The following TP53INP2 variants were observed in gnomAD, a reference collection of about 807,000 sequenced individuals.
The protein encoded by TP53INP2 is tumor protein p53-inducible nuclear protein 2.
TP53INP2 carries 12 observed loss-of-function variants against 17.1 expected under a neutral mutation model. That is an observed-to-expected ratio of 0.70 (90% confidence interval 0.45 to 1.14). TP53INP2 has a LOEUF of 1.14. Ranked by LOEUF, TP53INP2 falls within the 50% of genes most tolerant of loss-of-function variation. The pLI is 0.00. For missense variants in TP53INP2, 342 were observed against 330.9 expected (o/e 1.03, Z -0.26); for synonymous variants, 145 against 147.3 (o/e 0.98, Z 0.12).
Position 34,709,013 on chromosome 20 carries a change from G to T in TP53INP2, c.124+150G>T. On this transcript the variant is annotated intron_variant, in intron 3 of 4. Coordinates refer to ENST00000374810, the MANE Select transcript of TP53INP2 (RefSeq NM_021202.3). This position sits in a 1 kb window ranked among gnomAD's most constrained non-coding sequence, Gnocchi z 5.4. ...GGGGCCCCTTCCCATGAAAGCCGGG[G>T]CTCTCTCCTGGCGGCCCAGGAGAGG... is the stretch of plus-strand genomic sequence containing the variant. 2 of 1,408,470 alleles carry T rather than the reference G, an allele frequency of 1.4e-6. No individual in the cohort carries two copies. The highest frequency in any genetic ancestry group is 1.9e-6 in the Non-Finnish European group (2 of 1,067,296). The allele number at this position is 1,408,470 out of a possible 1,614,324, so 87.2% of individuals were successfully genotyped here.
In TP53INP2 at chr20:34,709,720, CGGAGGGGCGGGGCTTGAGAG is replaced by C. The variant is rs1159664468; in HGVS notation, c.413+206_413+225del. Reference sequence around the variant, plus strand: ...GCGAGGCTAGAAGCGGGCCTGAGGACGGAGGGGCGGGGCTTGAGAGGGAGGGGCGTGGCCAAGAGGCTGGG... The same window carrying C: ...GCGAGGCTAGAAGCGGGCCTGAGGACGGAGGGGCGTGGCCAAGAGGCTGGG... On this transcript the variant is annotated intron_variant, in intron 4 of 4. Coordinates refer to ENST00000374810, the MANE Select transcript of TP53INP2 (RefSeq NM_021202.3). This position sits in a 1 kb window ranked among gnomAD's most constrained non-coding sequence, Gnocchi z 5.4. 6.6e-6 allele frequency among the ~76,000 whole-genome samples: 1 copy of C among 151,452 alleles called. No individual in the cohort carries two copies. The highest frequency in any genetic ancestry group is 1.5e-5 in the Non-Finnish European group (1 of 67,860).
chr20:34,710,344 C>T lies in TP53INP2; in HGVS notation c.*37C>T, dbSNP rs774371779. The T allele has an allele frequency of 7.6e-7, 1 of 1,310,102 alleles. No homozygotes were observed. Among genetic ancestry groups the T allele is most frequent in the Non-Finnish European group, 9.8e-7 (1 of 1,020,902 alleles). 81.2% of individuals were successfully genotyped at this position (1,310,102 alleles called of 1,614,324 possible). ...CCGCGCCACGAACCCCTTGCCGATCCCGATCCCTGTCGGGCTCCTCCGACT... is the reference window on the plus strand; with the variant it reads ...CCGCGCCACGAACCCCTTGCCGATCTCGATCCCTGTCGGGCTCCTCCGACT... On this transcript the variant is annotated 3_prime_UTR_variant, in exon 5 of 5. Coordinates refer to ENST00000374810, the MANE Select transcript of TP53INP2 (RefSeq NM_021202.3). This position sits in a 1 kb window ranked among gnomAD's most constrained non-coding sequence, Gnocchi z 4.9.
chr20:34,708,930 G>C, intron 3 of TP53INP2, 67 bp downstream of exon 3: 16 of 1,573,570 alleles, frequency 1.0e-5, no homozygotes, highest in Non-Finnish European at 1.3e-5. Flanking sequence ...AGCAGCGGAG[G>C]GGAAGGGCGC....
intron 2 of TP53INP2, among the ~76,000 whole-genome samples, chr20:34,707,915 C>T (rs906359627): frequency 6.6e-5 from 10 of 152,304 alleles, no homozygotes; most frequent in Admixed American, 5.9e-4. Context: ...GCACCTGCCA[C>T]CACGCCCAGC....
In TP53INP2 at chr20:34,709,175, G is replaced by A; in HGVS notation, c.125-61G>A. The A allele has an allele frequency of 6.7e-7, 1 of 1,491,884 alleles. No homozygotes were observed. Among genetic ancestry groups the A allele is most frequent in the Non-Finnish European group, 8.9e-7 (1 of 1,120,638 alleles). The allele number at this position is 1,491,884 out of a possible 1,614,324, so 92.4% of individuals were successfully genotyped here. Reference sequence around the variant, plus strand: ...CCCCTTGTCCGGTGTGTGTGTGTGTGTGTGTGTGTGCCTCCTCGCTGCTCC... The same window carrying A: ...CCCCTTGTCCGGTGTGTGTGTGTGTATGTGTGTGTGCCTCCTCGCTGCTCC... On this transcript the variant is annotated intron_variant, in intron 3 of 4. Transcript: ENST00000374810. The surrounding 1 kb of genome is among the most constrained non-coding windows in gnomAD (Gnocchi z 5.4).
chr20:34,709,363 T>TGGACTCGGTCCC lies in TP53INP2; in HGVS notation c.254_265dup (p.Gly85_Pro88dup). 1 of 1,613,646 alleles carries TGGACTCGGTCCC rather than the reference T, an allele frequency of 6.2e-7. No homozygotes were observed. Among genetic ancestry groups the TGGACTCGGTCCC allele is most frequent in the African/African-American group, 1.3e-5 (1 of 75,014 alleles). ...CCGCCTGTTTTACGGCAGAGGGGCC[T>TGGACTCGGTCCC]GGACTCGGTCCCGCCCGCCTCCAGA... On this transcript the variant is annotated inframe_insertion, in exon 4 of 5. Transcript: ENST00000374810. The surrounding 1 kb of genome is among the most constrained non-coding windows in gnomAD (Gnocchi z 5.4).
chr20:34,710,468 C>T lies in TP53INP2; in HGVS notation c.*161C>T, dbSNP rs1204999165. 1 of 792,354 alleles carries T rather than the reference C, an allele frequency of 1.3e-6. No individual in the cohort carries two copies. The allele number at this position is 792,354 out of a possible 1,614,324, so 49.1% of individuals were successfully genotyped here. On this transcript the variant is annotated 3_prime_UTR_variant, in exon 5 of 5. Transcript: ENST00000374810. This position sits in a 1 kb window ranked among gnomAD's most constrained non-coding sequence, Gnocchi z 4.9. ...CCTCAATTTCCCCATCTCTGATCCT[C>T]TAATCTGCCTCTGAACCCATTCACC...
Position 34,709,553 on chromosome 20 carries a change from G to A in TP53INP2, c.413+29G>A, listed in dbSNP as rs760978815. 8 of 1,587,230 alleles carry A rather than the reference G, an allele frequency of 5.0e-6. No homozygotes were observed. The South Asian group carries it at 8.9e-5, about 18-fold the overall frequency. The stretch of plus-strand genomic sequence containing the variant: ...AGCGGGCCGGGGGCGGAGCCTGGAG[G>A]CCCAGGGAGACGGATCTTGGAGGCC... On this transcript the variant is annotated intron_variant, in intron 4 of 4. Transcript: ENST00000374810. This position sits in a 1 kb window ranked among gnomAD's most constrained non-coding sequence, Gnocchi z 5.4.
rs150414786 is a variant in TP53INP2 at position 34,706,274 on chromosome 20, G to A, written c.-50+800G>A. 2.1e-3 allele frequency among the ~76,000 whole-genome samples: 320 copies of A among 152,216 alleles called. 1 individual carries two copies. The highest frequency in any genetic ancestry group is 3.8e-3 in the Non-Finnish European group (261 of 67,992). ...TCTGGACTGGATGCACAGTAACGTG[G>A]GACTAGGTCTGCCCTGCCACTATCT... is the stretch of plus-strand genomic sequence containing the variant. On this transcript the variant is annotated intron_variant, in intron 2 of 4. Coordinates refer to ENST00000374810, the MANE Select transcript of TP53INP2 (RefSeq NM_021202.3).
rs1380947325 is a variant in TP53INP2, at chr20:34,711,660, G to T, written c.*1353G>T. Reference sequence around the variant, plus strand: ...CCCCTTCTCCTCCAGTAAATACCTGGAAGAGGGAACCTGAATCCCTGGGGG... The same window carrying T: ...CCCCTTCTCCTCCAGTAAATACCTGTAAGAGGGAACCTGAATCCCTGGGGG... On this transcript the variant is annotated 3_prime_UTR_variant, in exon 5 of 5. Transcript: ENST00000374810. This position sits in a 1 kb window ranked among gnomAD's most constrained non-coding sequence, Gnocchi z 4.1. 1 of 152,538 alleles carries T rather than the reference G, an allele frequency of 6.6e-6. No homozygotes were observed. Among genetic ancestry groups the T allele is most frequent in the African/African-American group, 2.4e-5 (1 of 41,428 alleles). 9.4% of individuals were successfully genotyped at this position (152,538 alleles called of 1,614,324 possible).
rs1988222015 is a variant in TP53INP2, at chr20:34,712,353, G to C, written c.*2046G>C. ...GTGTGGTGCCCATGATCCTTCTGGT[G>C]GGGGAAGAGTTTAAGTTATAGGGCA... On this transcript the variant is annotated 3_prime_UTR_variant, in exon 5 of 5. Coordinates refer to ENST00000374810, the MANE Select transcript of TP53INP2 (RefSeq NM_021202.3). 6.6e-6 allele frequency: 1 copy of C among 152,632 alleles called. No individual in the cohort carries two copies. The allele number at this position is 152,632 out of a possible 1,614,324, so 9.5% of individuals were successfully genotyped here.
chr20:34,707,261 G>C (rs529503215), intron 2 of TP53INP2, among the ~76,000 whole-genome samples: 1 of 152,250 alleles, frequency 6.6e-6, no homozygotes, highest in South Asian at 2.1e-4. Context: ...AGGAGCCTGG[G>C]AAAAGGGGGT....
Position 34,712,565 on chromosome 20 carries a change from C to CGT in TP53INP2, c.*2258_*2259insGT, listed in dbSNP as rs2146832402. The CGT allele has an allele frequency of 6.5e-6, 1 of 152,782 alleles. No individual in the cohort carries two copies. The highest frequency in any genetic ancestry group is 2.1e-4 in the South Asian group (1 of 4,824). 9.5% of individuals were successfully genotyped at this position (152,782 alleles called of 1,614,324 possible). A position where few individuals can be genotyped will look rare whatever the true frequency, so the allele number is the denominator to read the frequency against. On this transcript the variant is annotated 3_prime_UTR_variant, in exon 5 of 5. Transcript: ENST00000374810. Reference sequence around the variant, plus strand: ...TAGATTTCTAAGAACCAACACTACTCAGTCTCCTGCTAGTCTGACTCCTGA... The same window carrying CGT: ...TAGATTTCTAAGAACCAACACTACTCGTAGTCTCCTGCTAGTCTGACTCCTGA...
Position 34,709,348 on chromosome 20 carries a change from T to C in TP53INP2, c.237T>C (p.Phe79=), listed in dbSNP as rs761553813. The change falls in exon 4 of 5, where the codon TTT becomes TTC. Residue 79 remains phenylalanine, a synonymous_variant. Coordinates refer to ENST00000374810, the MANE Select transcript of TP53INP2 (RefSeq NM_021202.3). The surrounding 1 kb of genome is among the most constrained non-coding windows in gnomAD (Gnocchi z 5.4). The stretch of plus-strand genomic sequence containing the variant: ...GGTTTGTTACCCCTCCCGCCTGTTT[T>C]ACGGCAGAGGGGCCTGGACTCGGTC... The part of the protein sequence containing the change: ...ESWFVTPPAC[F]TAEGPGLGPA... The C allele has an allele frequency of 5.0e-6, 8 of 1,613,622 alleles. No individual in the cohort carries two copies. Among genetic ancestry groups the C allele is most frequent in the Middle Eastern group, 1.6e-4 (1 of 6,062 alleles).
chr20:34,708,869 GCCTGGGTCTGTCT>G lies in TP53INP2; in HGVS notation c.124+13_124+25del, dbSNP rs751898210. On this transcript the variant is annotated splice_region_variant and intron_variant, in intron 3 of 4. Transcript: ENST00000374810. ...GCTCATCATTGACCTGCCGGGTGAGGCCTGGGTCTGTCTCCTGGGCCTGTGAAGTCATTCTAAG... is the reference window on the plus strand; with the variant it reads ...GCTCATCATTGACCTGCCGGGTGAGGCCTGGGCCTGTGAAGTCATTCTAAG... The G allele has an allele frequency of 6.2e-7, 1 of 1,612,914 alleles. No individual in the cohort carries two copies. Among genetic ancestry groups the G allele is most frequent in the Admixed American group, 1.7e-5 (1 of 59,936 alleles).
chr20:34,708,622 C>T (rs1988054530), intron 2 of TP53INP2, 69 bp from the exon 3 acceptor site: 11 of 910,208 alleles, frequency 1.2e-5, no homozygotes, highest in Admixed American at 2.3e-5. Flanking sequence ...TATCTTCTGG[C>T]CTCTTCCCCA....
At position 34,708,783 on chromosome 20, in the gene TP53INP2, C is replaced by CT; in HGVS notation, c.44_45insT (p.Glu17ArgfsTer15). ...AGCCTCTTCTTCAGCACCCCCTCGC[C>CT]CCCCGAAGACCCCGACTGCCCCCGC... On this transcript the variant is annotated frameshift_variant, in exon 3 of 5. Transcript: ENST00000374810. LOFTEE classifies it high-confidence loss of function. 3 of 1,607,490 alleles carry CT rather than the reference C, an allele frequency of 1.9e-6. No individual in the cohort carries two copies. Among genetic ancestry groups the CT allele is most frequent in the Non-Finnish European group, 2.5e-6 (3 of 1,176,986 alleles).
chr20:34,708,123 C>T (rs1187515578), intron 2 of TP53INP2, among the ~76,000 whole-genome samples: 1 of 152,176 alleles, frequency 6.6e-6, no homozygotes, highest in East Asian at 1.9e-4. Flanking sequence ...CTGGAGAACT[C>T]CTATTTACTC....
In TP53INP2 at chr20:34,710,586, C is replaced by G. The variant is rs1988163747; in HGVS notation, c.*279C>G. 1 of 320,088 alleles carries G rather than the reference C, an allele frequency of 3.1e-6. No individual in the cohort carries two copies. The highest frequency in any genetic ancestry group is 5.0e-5 in the Admixed American group (1 of 20,004). The allele number at this position is 320,088 out of a possible 1,614,324, so 19.8% of individuals were successfully genotyped here. On this transcript the variant is annotated 3_prime_UTR_variant, in exon 5 of 5. Transcript: ENST00000374810. This position sits in a 1 kb window ranked among gnomAD's most constrained non-coding sequence, Gnocchi z 4.9. ...CATCCTTTCTTCTCTGGTCCCCATC[C>G]CTGTCTCTCCCTTTCACCCTTGCCC... is the stretch of plus-strand genomic sequence containing the variant.
Sources: gnomAD v4.1 joint callset for allele counts (sites outside exome capture counted in the v4.1 genomes callset) on GRCh38, gnomAD v4.1.1 for gene constraint, Gnocchi (gnomAD v3.1) non-coding constraint, MANE v1.5 for transcripts, NCBI Gene and HGNC (gene_info 2026-07-23, HGNC 2026-07-21) for gene names.